Variants in CAMSAP1 observed in about 807,000 individuals in gnomAD.
The protein encoded by CAMSAP1 is calmodulin regulated spectrin associated protein 1.
Under a neutral mutation model 143.5 loss-of-function variants are expected in CAMSAP1, and 58 were observed. That is an observed-to-expected ratio of 0.40 (90% CI 0.33 to 0.50). The LOEUF (loss-of-function observed/expected upper bound fraction) is 0.50. Among genes scored for constraint, CAMSAP1 ranks in the 20% least tolerant of loss-of-function variants. CAMSAP1 has a pLI of 0.45. For synonymous variants in CAMSAP1, 945 were observed against 859.3 expected (o/e 1.10, Z -1.74); for missense variants, 1,969 against 2,115.7 (o/e 0.93, Z 1.36).
chr9:135,821,566 C>A lies in CAMSAP1; in HGVS notation c.3095G>T (p.Ser1032Ile), dbSNP rs754541042. 6.2e-7 allele frequency: 1 copy of A among 1,614,002 alleles called. No individual in the cohort carries two copies. Among genetic ancestry groups the A allele is most frequent in the Non-Finnish European group, 8.5e-7 (1 of 1,179,896 alleles). Residue 1032 changes from serine to isoleucine, a missense_variant, in exon 11 of 17, where the codon AGT (serine) becomes ATT (isoleucine). Ser to Ile is a moderately radical substitution (Grantham distance 142). Transcript: ENST00000389532. This position sits in a 1 kb window ranked among gnomAD's most constrained non-coding sequence, Gnocchi z 4.6. ...TTTCAGGATGGCCTGCTGCAGCGTA[C>A]TGATGGTTTCGTTAAGCTTCTCGAT... ...LSIEKLNETI[S>I]TLQQAILKIS...
intron 3 of CAMSAP1, among the ~76,000 whole-genome samples, chr9:135,868,846 G>C (rs188945538): frequency 9.9e-5 from 15 of 152,008 alleles, no homozygotes; most frequent in Admixed American, 8.5e-4. Flanking sequence ...TCGATATCCT[G>C]ACCTCGTGAT....
At chr9:135,896,253 A>T (rs762638660) in intron 1 of CAMSAP1, among the ~76,000 whole-genome samples, 10 of 152,204 alleles carry the variant, frequency 6.6e-5, no homozygotes, top group Non-Finnish European at 1.5e-4. Flanking sequence ...TAAAAAAAGC[A>T]GAACTACATT....
At chr9:135,891,923 C>T (rs1838301993) in intron 1 of CAMSAP1, among the ~76,000 whole-genome samples, 2 of 152,268 alleles carry the variant, frequency 1.3e-5, no homozygotes, top group Admixed American at 1.3e-4. Flanking sequence ...ATGCGCTCAA[C>T]AGAATGGCAA....
At chr9:135,846,972 C>A (rs901672520) in intron 7 of CAMSAP1, among the ~76,000 whole-genome samples, 1 of 152,040 alleles carries the variant, frequency 6.6e-6, no homozygotes, top group African/African-American at 2.4e-5. Context: ...GACAGTGTGG[C>A]GATTCCTCAA....
At chr9:135,864,031 G>A (rs1306615147) in intron 4 of CAMSAP1, among the ~76,000 whole-genome samples, 4 of 152,210 alleles carry the variant, frequency 2.6e-5, no homozygotes, top group Admixed American at 2.6e-4. Flanking sequence ...GCTGTACAGT[G>A]TTGAGGTTAG....
chr9:135,858,476 C>T (rs1002617983), intron 5 of CAMSAP1, among the ~76,000 whole-genome samples: 7 of 152,180 alleles, frequency 4.6e-5, no homozygotes, highest in African/African-American at 1.7e-4. Context: ...CTAGCAAGTC[C>T]CACTACTCTT....
chr9:135,850,067 G>A (rs1836718268), intron 7 of CAMSAP1, 70 bp downstream of exon 7: 1 of 1,251,052 alleles, frequency 8.0e-7, no homozygotes, highest in Admixed American at 2.4e-5. Context: ...TGGAACCACT[G>A]GAGAGTGCTT....
chr9:135,842,433 T>C (rs1216219409), intron 7 of CAMSAP1, among the ~76,000 whole-genome samples: 2 of 152,082 alleles, frequency 1.3e-5, no homozygotes, highest in Non-Finnish European at 2.9e-5. Context: ...CTTCAGGATA[T>C]TATCCAGGAG....
Position 135,818,408 on chromosome 9 carries a change from G to A in CAMSAP1, c.4168C>T (p.Pro1390Ser). 3.8e-6 allele frequency: 6 copies of A among 1,575,474 alleles called. No individual in the cohort carries two copies. The highest frequency in any genetic ancestry group is 1.1e-5 in the South Asian group (1 of 87,018). Reference sequence around the variant, plus strand: ...CCGCGTGAGGGCCGGGGCTGCTTACGGGTGGAGGAGCACTTGGTGCCGGAG... The same window carrying A: ...CCGCGTGAGGGCCGGGGCTGCTTACAGGTGGAGGAGCACTTGGTGCCGGAG... ...SDSGTKCSST[P>S]DNLSRTQSGS... The change falls in exon 13 of 17, where the codon CCT (proline) becomes TCT (serine). Residue 1390 changes from proline (P) to serine (S), a missense_variant and splice_region_variant. Pro to Ser is a moderately conservative substitution (Grantham distance 74). This residue lies in a region of CAMSAP1 where 1,390 missense variants were observed against 1,420.8 expected (regional missense o/e 0.98). Transcript: ENST00000389532. This position sits in a 1 kb window ranked among gnomAD's most constrained non-coding sequence, Gnocchi z 7.7.
At position 135,809,929 on chromosome 9, in the gene CAMSAP1, A is replaced by G. The variant is rs1213602597; in HGVS notation, c.*1380T>C. The G allele has an allele frequency of 1.3e-5, 2 of 152,458 alleles. No individual in the cohort carries two copies. Among genetic ancestry groups the G allele is most frequent in the African/African-American group, 4.8e-5 (2 of 41,252 alleles). 9.4% of individuals were successfully genotyped at this position (152,458 alleles called of 1,614,324 possible). A position where few individuals can be genotyped will look rare whatever the true frequency, so the allele number is the denominator to read the frequency against. On this transcript the variant is annotated 3_prime_UTR_variant, in exon 17 of 17. Transcript: ENST00000389532. ...ACTCACTCATGTTTTTTGTCTATCT[A>G]AAATTATGTAACAGTTAAATTTGTC...
At chr9:135,904,852 C>G (rs954091440) in intron 1 of CAMSAP1, among the ~76,000 whole-genome samples, 2 of 152,140 alleles carry the variant, frequency 1.3e-5, no homozygotes, top group Non-Finnish European at 2.9e-5. Flanking sequence ...GTAATCCCAG[C>G]TACTTGGGAG....
chr9:135,889,906 G>A (rs73561614), intron 1 of CAMSAP1, among the ~76,000 whole-genome samples: 3,316 of 152,166 alleles, frequency 0.022, 130 homozygotes, highest in African/African-American at 0.074. Flanking sequence ...CCCGTAGCTC[G>A]CTCCCCTGAG....
In CAMSAP1 at chr9:135,821,306, G is replaced by GGGA. The variant is rs751889881; in HGVS notation, c.3352_3354dup (p.Ser1118dup). On this transcript the variant is annotated inframe_insertion, in exon 11 of 17. Transcript: ENST00000389532. The surrounding 1 kb of genome is among the most constrained non-coding windows in gnomAD (Gnocchi z 4.6). Reference sequence around the variant, plus strand: ...ACACTGGGCGTTGGGGTTTTACTTCGGGAGGAGCCCTGTGGCCTGTCTTTT... The same window carrying GGGA: ...ACACTGGGCGTTGGGGTTTTACTTCGGGAGGAGGAGCCCTGTGGCCTGTCTTTT... 16 of 1,612,526 alleles carry GGGA rather than the reference G, an allele frequency of 9.9e-6. No individual in the cohort carries two copies. Among genetic ancestry groups the GGGA allele is most frequent in the Non-Finnish European group, 1.4e-5 (16 of 1,179,866 alleles).
At chr9:135,863,224 G>A (rs564645794) in intron 4 of CAMSAP1, among the ~76,000 whole-genome samples, 4 of 152,258 alleles carry the variant, frequency 2.6e-5, no homozygotes, top group African/African-American at 9.6e-5. Context: ...GTCTGCTCAA[G>A]GATTCCATGT....
At chr9:135,852,622 T>C (rs1312697625) in intron 5 of CAMSAP1, among the ~76,000 whole-genome samples, 3 of 152,170 alleles carry the variant, frequency 2.0e-5, no homozygotes, top group Non-Finnish European at 4.4e-5. Flanking sequence ...CCAGATTCCC[T>C]GCAAAGCATC....
intron 14 of CAMSAP1, 112 bp from the exon 15 acceptor site, chr9:135,816,117 AG>A: frequency 1.1e-6 from 1 of 918,132 alleles, no homozygotes; most frequent in South Asian, 1.5e-5. Flanking sequence ...GCAGGGGAGG[AG>A]GCTTTCGGTG....
At chr9:135,836,995 C>T (rs1419641461) in intron 7 of CAMSAP1, 11 of 948,146 alleles carry the variant, frequency 1.2e-5, no homozygotes, top group African/African-American at 5.3e-5. Flanking sequence ...CATCATCACG[C>T]ACTTTCTACC....
chr9:135,870,444 A>G (rs1312143188), intron 3 of CAMSAP1, among the ~76,000 whole-genome samples: 1 of 152,194 alleles, frequency 6.6e-6, no homozygotes, highest in African/African-American at 2.4e-5. Flanking sequence ...AGTCTTGGAC[A>G]GTTCTTTAGG....
Position 135,822,461 on chromosome 9 carries a change from G to A in CAMSAP1, c.2200C>T (p.Leu734Phe), listed in dbSNP as rs1208768424. The A allele has an allele frequency of 1.2e-6, 2 of 1,613,962 alleles. No individual in the cohort carries two copies. The highest frequency in any genetic ancestry group is 8.5e-7 in the Non-Finnish European group (1 of 1,179,916). The change falls in exon 11 of 17, where the codon CTC (leucine) becomes TTC (phenylalanine). Residue 734 changes from leucine (L) to phenylalanine (F), a missense_variant. Leu to Phe is a conservative substitution (Grantham distance 22). Coordinates refer to ENST00000389532, the MANE Select transcript of CAMSAP1 (RefSeq NM_015447.4). This position sits in a 1 kb window ranked among gnomAD's most constrained non-coding sequence, Gnocchi z 6.1. ...NSHDSEPWTL[L>F]RQDSDSDVVD... ...ACATCCGAGTCAGAATCCTGCCTGA[G>A]GAGAGTCCACGGCTCTGAATCGTGG...
Sources: allele counts gnomAD v4.1 joint callset (sites outside exome capture counted in the v4.1 genomes callset), GRCh38; gene constraint gnomAD v4.1.1; regional missense constraint gnomAD v4.1.1; non-coding constraint Gnocchi (gnomAD v3.1); transcripts MANE v1.5; gene names NCBI Gene and HGNC (gene_info 2026-07-23, HGNC 2026-07-21).